Variants in ANGPT4 observed in about 807,000 individuals in gnomAD.
The protein encoded by ANGPT4 is angiopoietin-4.
In ANGPT4, 50 loss-of-function variants were observed where a neutral mutation model predicts 53.0. The observed-to-expected ratio is 0.94, with a 90% confidence interval of 0.75 to 1.20. The LOEUF (loss-of-function observed/expected upper bound fraction) is 1.20, where lower values mean the gene tolerates loss of function less well. ANGPT4 is among the 50% of genes most tolerant of loss of function. The probability of loss-of-function intolerance (pLI) is 0.00; values close to 1 mark genes in which losing one functional copy is unlikely to be tolerated. For missense variants in ANGPT4, 648 were observed against 637.1 expected, an observed-to-expected ratio of 1.02 and a Z score of -0.18; for synonymous variants, 251 against 259.7, an observed-to-expected ratio of 0.97 and a Z score of 0.32.
At chr20:878,822 A>G (rs1981275499) in intron 6 of ANGPT4, among the ~76,000 whole-genome samples, 1 of 152,232 alleles carries the variant, frequency 6.6e-6, no homozygotes, top group Non-Finnish European at 1.5e-5. Context: ...TAGTAGAGCA[A>G]ACTTTGTTCA....
At chr20:891,262 C>T (rs1199510262) in intron 1 of ANGPT4, among the ~76,000 whole-genome samples, 4 of 152,202 alleles carry the variant, frequency 2.6e-5, no homozygotes, top group Non-Finnish European at 5.9e-5. Flanking sequence ...TTTGCAGGTC[C>T]ATTGGCCAAG....
At chr20:910,281 G>A (rs916836038) in intron 1 of ANGPT4, among the ~76,000 whole-genome samples, 4 of 152,146 alleles carry the variant, frequency 2.6e-5, no homozygotes, top group African/African-American at 4.8e-5. Flanking sequence ...AAGCACCTAG[G>A]ACAGTGTGTG....
rs373183124 is a variant in ANGPT4, at chr20:916,234, G to A, written c.-20C>T. The A allele has an allele frequency of 9.4e-6, 15 of 1,604,240 alleles. No individual in the cohort carries two copies. The highest frequency in any genetic ancestry group is 6.7e-5 in the African/African-American group (5 of 74,850). ...GAGCATCTGAAGATGTGTCAATGGC[G>A]AGGGATGTCTGCTCAGAGCCCTAGG... On this transcript the variant is annotated 5_prime_UTR_variant, in exon 1 of 9. Transcript: ENST00000381922.
At position 878,235 on chromosome 20, in the gene ANGPT4, C is replaced by T. The variant is rs937343140; in HGVS notation, c.1146G>A (p.Leu382=). 3.7e-6 allele frequency: 6 copies of T among 1,613,136 alleles called. No individual in the cohort carries two copies. Among genetic ancestry groups the T allele is most frequent in the Middle Eastern group, 1.7e-4 (1 of 6,048 alleles). The change falls in exon 7 of 9, where the codon CTG becomes CTA. Residue 382 remains leucine (L), a synonymous_variant. Transcript: ENST00000381922. ...AGGCCTCGTGGCCTTCCCAGTCTTG[C>T]AGCTCCACACGCAGAGAGTAGGCTG... ...RRAAYSLRVE[L]QDWEGHEAYA...
intron 3 of ANGPT4, 54 bp from the exon 4 acceptor site, chr20:885,379 C>T (rs974089060): frequency 8.9e-6 from 13 of 1,460,872 alleles, no homozygotes; most frequent in Non-Finnish European, 1.2e-5. Flanking sequence ...GAAGCACGCA[C>T]CCCCGCGCGC....
chr20:915,666 G>C (rs1365003321), intron 1 of ANGPT4, among the ~76,000 whole-genome samples: 3 of 152,166 alleles, frequency 2.0e-5, no homozygotes, highest in Non-Finnish European at 4.4e-5. Context: ...TTCAGCCCTT[G>C]GTCAGGGCTG....
chr20:888,510 G>T, intron 2 of ANGPT4, 71 bp from the exon 3 acceptor site: 2 of 1,534,458 alleles, frequency 1.3e-6, no homozygotes, highest in South Asian at 1.2e-5. Flanking sequence ...CCACCCACCT[G>T]CCCACAGGCC....
intron 2 of ANGPT4, among the ~76,000 whole-genome samples, chr20:889,834 A>G (rs923960271): frequency 6.6e-6 from 1 of 152,168 alleles, no homozygotes; most frequent in Non-Finnish European, 1.5e-5. Context: ...TTTGCTGCTC[A>G]GATACCTCTT....
Position 888,402 on chromosome 20 carries a change from G to T in ANGPT4, c.503C>A (p.Pro168Gln). 1 of 1,613,538 alleles carries T rather than the reference G, an allele frequency of 6.2e-7. No individual in the cohort carries two copies. The highest frequency in any genetic ancestry group is 1.7e-4 in the Middle Eastern group (1 of 6,054). Residue 168 changes from proline (P) to glutamine (Q), a missense_variant, in exon 3 of 9, where the codon CCA becomes CAA. Pro to Gln is a moderately conservative substitution (Grantham distance 76). Transcript: ENST00000381922. ...NQTSRMDAQM[P>Q]ETFLSTNKLE... is the part of the protein sequence containing the mutation. ...CTTGTTGGTGGACAGAAAGGTCTCTGGCATCTGGGCATCCATTCTTGATGT... is the reference window on the plus strand; with the variant it reads ...CTTGTTGGTGGACAGAAAGGTCTCTTGCATCTGGGCATCCATTCTTGATGT...
intron 4 of ANGPT4, among the ~76,000 whole-genome samples, chr20:883,758 A>T (rs556862770): frequency 1.3e-5 from 2 of 152,258 alleles, no homozygotes; most frequent in Non-Finnish European, 2.9e-5. Flanking sequence ...AGTGGGAGGC[A>T]TTGGGCCCAG....
chr20:896,095 A>C (rs1043500779), intron 1 of ANGPT4, among the ~76,000 whole-genome samples: 1 of 152,184 alleles, frequency 6.6e-6, no homozygotes, highest in African/African-American at 2.4e-5. Context: ...GTTCTATAAA[A>C]TGCCGCAGAT....
chr20:897,388 A>G (rs1250071546), intron 1 of ANGPT4, among the ~76,000 whole-genome samples: 5 of 151,850 alleles, frequency 3.3e-5, no homozygotes, highest in Admixed American at 3.3e-4. Flanking sequence ...CGGTCTTTTC[A>G]CTCTCTTCTT....
chr20:907,876 G>A (rs1412973769), intron 1 of ANGPT4, among the ~76,000 whole-genome samples: 1 of 152,172 alleles, frequency 6.6e-6, no homozygotes, highest in Non-Finnish European at 1.5e-5. Context: ...CTTTCTGCCT[G>A]TACGACTCCA....
At chr20:878,607 C>T (rs1039573266) in intron 6 of ANGPT4, among the ~76,000 whole-genome samples, 5 of 152,118 alleles carry the variant, frequency 3.3e-5, no homozygotes, top group Admixed American at 6.6e-5. Context: ...TTGGTGACTA[C>T]CTTTGGTGGA....
intron 1 of ANGPT4, among the ~76,000 whole-genome samples, chr20:910,001 T>C (rs1379762774): frequency 6.6e-6 from 1 of 152,186 alleles, no homozygotes; most frequent in Admixed American, 6.5e-5. Context: ...ATCTCCCCTT[T>C]GGGGACCAGG....
intron 3 of ANGPT4, among the ~76,000 whole-genome samples, chr20:886,923 A>G (rs1981638940): frequency 6.6e-6 from 1 of 152,248 alleles, no homozygotes. Flanking sequence ...TGTCAGCTTC[A>G]CGAGGACAGG....
chr20:907,638 A>T (rs1285817091), intron 1 of ANGPT4, among the ~76,000 whole-genome samples: 1 of 152,072 alleles, frequency 6.6e-6, no homozygotes, highest in Non-Finnish European at 1.5e-5. Context: ...CCTGTTATCG[A>T]CCTATTTTAC....
chr20:907,704 G>T lies in ANGPT4; in HGVS notation c.309+8202C>A, dbSNP rs1259680368. On this transcript the variant is annotated intron_variant, in intron 1 of 8. Coordinates refer to ENST00000381922, the MANE Select transcript of ANGPT4 (RefSeq NM_015985.4). ...TCCAAGGACAGGTAGCTCTTCACAGGTGTAACCAGGCGGTGCTTCTGCAAG... is the reference window on the plus strand; with the variant it reads ...TCCAAGGACAGGTAGCTCTTCACAGTTGTAACCAGGCGGTGCTTCTGCAAG... 2.6e-5 allele frequency among the ~76,000 whole-genome samples: 4 copies of T among 152,310 alleles called. No individual in the cohort carries two copies. The East Asian group carries it at 7.7e-4, about 29-fold the overall frequency.
intron 1 of ANGPT4, among the ~76,000 whole-genome samples, chr20:907,436 T>A (rs1234779898): frequency 1.3e-5 from 2 of 152,164 alleles, no homozygotes; most frequent in East Asian, 1.9e-4. Context: ...ATGCCTTTGG[T>A]GGTCGTCTAT....
Sources: allele counts gnomAD v4.1 joint callset (sites outside exome capture counted in the v4.1 genomes callset), GRCh38; gene constraint gnomAD v4.1.1; transcripts MANE v1.5; gene names NCBI Gene and HGNC (gene_info 2026-07-23, HGNC 2026-07-21).